NCLN: variants seen among roughly 807,000 people sequenced by gnomAD.
The protein encoded by NCLN is BOS complex subunit NCLN.
In NCLN, 34 loss-of-function variants were observed where a neutral mutation model predicts 69.5. The observed-to-expected ratio is 0.49, with a 90% confidence interval of 0.37 to 0.65. The LOEUF (loss-of-function observed/expected upper bound fraction) is 0.65, where lower values mean the gene tolerates loss of function less well. Ranked by LOEUF, NCLN falls within the 30% of genes least tolerant of loss-of-function variation. The pLI, the probability that NCLN is intolerant of heterozygous loss-of-function variation, is 0.00. For synonymous variants in NCLN, 393 were observed against 358.3 expected (o/e 1.10, Z -1.09); for missense variants, 710 against 804.8 (o/e 0.88, Z 1.42).
intron 3 of NCLN, among the ~76,000 whole-genome samples, chr19:3,193,864 G>A (rs763636572): frequency 1.5e-4 from 23 of 152,394 alleles, no homozygotes; most frequent in Non-Finnish European, 2.2e-4. Flanking sequence ...CTCCAGCCCC[G>A]TGAACGGGGG....
chr19:3,201,379 C>G (rs528549245), intron 5 of NCLN, 144 bp from the exon 6 acceptor site: 1 of 623,996 alleles, frequency 1.6e-6, no homozygotes, highest in East Asian at 2.8e-5. Flanking sequence ...CAGAGATGAC[C>G]GTGGCTGCTG....
chr19:3,204,127 C>G lies in NCLN; in HGVS notation c.1012C>G (p.Leu338Val). The G allele has an allele frequency of 6.6e-7, 1 of 1,514,954 alleles. No individual in the cohort carries two copies. Among genetic ancestry groups the G allele is most frequent in the Non-Finnish European group, 8.8e-7 (1 of 1,133,300 alleles). The allele number at this position is 1,514,954 out of a possible 1,614,324, so 93.8% of individuals were successfully genotyped here. A position where few individuals can be genotyped will look rare whatever the true frequency, so the allele number is the denominator to read the frequency against. ...PREGTLQHAF[L>V]RELETVAAHQ... ...GGAGGGCACCCTGCAGCACGCCTTC[C>G]TGCGGGAGCTGGAGACGGTGGGTGC... Residue 338 changes from leucine to valine, a missense_variant, in exon 8 of 15, where the codon CTG becomes GTG. Coordinates refer to ENST00000246117, the MANE Select transcript of NCLN (RefSeq NM_020170.4).
chr19:3,203,769 T>C lies in NCLN; in HGVS notation c.814T>C (p.Phe272Leu). 6.2e-7 allele frequency: 1 copy of C among 1,612,614 alleles called. No individual in the cohort carries two copies. The highest frequency in any genetic ancestry group is 8.5e-7 in the Non-Finnish European group (1 of 1,179,592). Residue 272 changes from phenylalanine (F) to leucine (L), a missense_variant, in exon 7 of 15, where the codon TTC becomes CTC. Coordinates refer to ENST00000246117, the MANE Select transcript of NCLN (RefSeq NM_020170.4). Reference protein sequence around the residue: ...KRTHAAYNLLFFASGGGKFNY... With the variant: ...KRTHAAYNLLLFASGGGKFNY... ...CTTCCCTCCCAGCTACAACCTCCTG[T>C]TCTTTGCGTCTGGAGGAGGCAAGTT...
At chr19:3,189,653 G>A (rs529717769) in intron 1 of NCLN, among the ~76,000 whole-genome samples, 9 of 152,364 alleles carry the variant, frequency 5.9e-5, no homozygotes, top group Admixed American at 1.3e-4. Context: ...CCATTCAGAC[G>A]CGGGTCTGAG....
chr19:3,193,343 T>C lies in NCLN; in HGVS notation c.435T>C (p.Phe145=), dbSNP rs201378176. Residue 145 remains phenylalanine (F), a synonymous_variant, in exon 3 of 15, where the codon TTT becomes TTC. Transcript: ENST00000246117. ...LAMETAVPVY[F]AVEDEALLSI... is the part of the protein sequence containing the mutation. ...TGGAGACCGCCGTCCCCGTGTACTT[T>C]GCCGTGGAGGACGAGGCCCTGCTGT... 1.9e-5 allele frequency: 30 copies of C among 1,612,974 alleles called. No homozygotes were observed. The highest frequency in any genetic ancestry group is 2.3e-5 in the Non-Finnish European group (27 of 1,179,988).
chr19:3,186,279 G>A (rs1915667907), intron 1 of NCLN, 65 bp downstream of exon 1: 7 of 1,390,378 alleles, frequency 5.0e-6, no homozygotes, highest in Non-Finnish European at 6.5e-6. Context: ...CCGGCCCGGC[G>A]ATCCCCAGGC....
chr19:3,208,227 G>A lies in NCLN; in HGVS notation c.*539G>A, dbSNP rs1916329383. ...GGCAGTGCCAGCCCTGGGGTTCTGG[G>A]ATTCCAGCCCTCCTGGAGCCTTTTG... On this transcript the variant is annotated 3_prime_UTR_variant, in exon 15 of 15. Transcript: ENST00000246117. The A allele has an allele frequency of 6.5e-6, 1 of 153,120 alleles. No individual in the cohort carries two copies. The highest frequency in any genetic ancestry group is 1.9e-4 in the East Asian group (1 of 5,184). The allele number at this position is 153,120 out of a possible 1,614,324, so 9.5% of individuals were successfully genotyped here.
intron 1 of NCLN, among the ~76,000 whole-genome samples, chr19:3,191,162 G>A (rs1341742791): frequency 1.3e-5 from 2 of 152,142 alleles, no homozygotes; most frequent in African/African-American, 2.4e-5. Flanking sequence ...GTGGCAGCAA[G>A]TGGGGGGTCC....
intron 2 of NCLN, 88 bp from the exon 3 acceptor site, chr19:3,193,196 A>ACC: frequency 3.3e-6 from 4 of 1,206,560 alleles, no homozygotes; most frequent in South Asian, 3.1e-5. Context: ...GCCCCCTGCT[A>ACC]CCCCCACCAG....
intron 1 of NCLN, among the ~76,000 whole-genome samples, chr19:3,191,986 T>A (rs546209222): frequency 6.6e-6 from 1 of 152,164 alleles, no homozygotes; most frequent in South Asian, 2.1e-4. Flanking sequence ...GTCGGGAGTT[T>A]GAGACCAGCC....
chr19:3,187,235 T>C (rs1285300542), intron 1 of NCLN, among the ~76,000 whole-genome samples: 8 of 152,190 alleles, frequency 5.3e-5, no homozygotes, highest in Admixed American at 5.2e-4. Flanking sequence ...CTGACCCCAG[T>C]GTCTAGACCA....
intron 4 of NCLN, among the ~76,000 whole-genome samples, chr19:3,197,546 ATTGTC>A (rs1915997653): frequency 6.6e-6 from 1 of 151,350 alleles, no homozygotes; most frequent in Non-Finnish European, 1.5e-5. Flanking sequence ...GGTTCAGGCG[ATTGTC>A]TTGCCTCGGC....
Position 3,193,224 on chromosome 19 carries a change from C to T in NCLN, c.376-60C>T, listed in dbSNP as rs943578202. The T allele has an allele frequency of 2.7e-5, 42 of 1,539,276 alleles. No homozygotes were observed. The South Asian group carries it at 4.6e-4, about 17-fold the overall frequency. On this transcript the variant is annotated intron_variant, in intron 2 of 14. Coordinates refer to ENST00000246117, the MANE Select transcript of NCLN (RefSeq NM_020170.4). ...CCCACCAGGGACAGTCACTGGGCCC[C>T]CTGCTACCTTGCCACCCCCACCAGG...
At position 3,192,305 on chromosome 19, in the gene NCLN, G is replaced by A. The variant is rs542807777; in HGVS notation, c.185-165G>A. ...CATGGCCCCTGTGACCCGTTATGTC[G>A]GGGGCAGGCTGGGGGGACCCTGGGA... is the stretch of plus-strand genomic sequence containing the variant. On this transcript the variant is annotated intron_variant, in intron 1 of 14. Transcript: ENST00000246117. 1.8e-3 allele frequency among the ~76,000 whole-genome samples: 270 copies of A among 152,278 alleles called. 2 individuals carry two copies. In the East Asian group the frequency reaches 0.024, roughly 13 times the overall value.
In NCLN at chr19:3,205,956, A is replaced by G. The variant is rs1315268445; in HGVS notation, c.1226A>G (p.Lys409Arg). The part of the protein sequence containing the change: ...IMDVRSRVDS[K>R]TLTRNTRIIA... ...TCGTGAAGGTCCCGGGTGGATTCTA[A>G]GACCCTGACCCGTAACACGAGGATC... Residue 409 changes from lysine to arginine, a missense_variant, in exon 10 of 15, where the codon AAG becomes AGG. Lys to Arg is a conservative substitution (Grantham distance 26). Transcript: ENST00000246117. This position sits in a 1 kb window ranked among gnomAD's most constrained non-coding sequence, Gnocchi z 4.6. 6.2e-7 allele frequency: 1 copy of G among 1,613,796 alleles called. No homozygotes were observed.
At chr19:3,199,689 CTTTTTTT>C (rs71164662) in intron 5 of NCLN, among the ~76,000 whole-genome samples, 7 of 69,524 alleles carry the variant, frequency 1.0e-4, no homozygotes, top group South Asian at 5.5e-4. Context: ...CTGCCTCCTC[CTTTTTTT>C]TTTTTTTTTT....
Position 3,198,888 on chromosome 19 carries a change from A to C in NCLN, c.687A>C (p.Gly229=). 1 of 1,532,460 alleles carries C rather than the reference A, an allele frequency of 6.5e-7. No individual in the cohort carries two copies. The highest frequency in any genetic ancestry group is 2.6e-5 in the East Asian group (1 of 39,054). 94.9% of individuals were successfully genotyped at this position (1,532,460 alleles called of 1,614,324 possible). A position where few individuals can be genotyped will look rare whatever the true frequency, so the allele number is the denominator to read the frequency against. Residue 229 remains glycine (G), a synonymous_variant, in exon 5 of 15, where the codon GGA becomes GGC. Transcript: ENST00000246117. ...TCGTGGCCCACTACGACGCCTTTGGAGTGGCCCCCGTACGTATGTGTGTCC... is the reference window on the plus strand; with the variant it reads ...TCGTGGCCCACTACGACGCCTTTGGCGTGGCCCCCGTACGTATGTGTGTCC... ...IVIVAHYDAF[G]VAPWLSLGAD... is the part of the protein sequence containing the mutation.
chr19:3,203,893 G>A (rs1336115474), intron 7 of NCLN, 49 bp downstream of exon 7: 1 of 1,595,346 alleles, frequency 6.3e-7, no homozygotes, highest in Non-Finnish European at 8.5e-7. Flanking sequence ...TGGTGCCGTG[G>A]GGAGGCACGG....
At chr19:3,198,699 G>A in intron 4 of NCLN, 118 bp from the exon 5 acceptor site, 1 of 729,848 alleles carries the variant, frequency 1.4e-6, no homozygotes, top group South Asian at 1.9e-5. Flanking sequence ...TGCTGAGGCC[G>A]ATGCTGGCAC....
Sources: allele counts gnomAD v4.1 joint callset (sites outside exome capture counted in the v4.1 genomes callset), GRCh38; gene constraint gnomAD v4.1.1; non-coding constraint Gnocchi (gnomAD v3.1); transcripts MANE v1.5; gene names NCBI Gene and HGNC (gene_info 2026-07-23, HGNC 2026-07-21).